Variants in FAM193A observed in about 807,000 individuals in gnomAD.
FAM193A encodes protein FAM193A.
Under a neutral mutation model 126.5 loss-of-function variants are expected in FAM193A, and 22 were observed. The ratio of observed to expected loss-of-function variants is 0.17; its 90% confidence interval spans 0.12 to 0.25. The LOEUF is 0.25. Ranked by LOEUF, FAM193A falls within the 10% of genes least tolerant of loss-of-function variation. The pLI is 1.00. For missense variants in FAM193A, 1,675 were observed against 1,672.8 expected (o/e 1.00, Z -0.02); for synonymous variants, 761 against 646.8 (o/e 1.18, Z -2.68).
chr4:2,574,243 G>A (rs1447687119), intron 1 of FAM193A, among the ~76,000 whole-genome samples: 1 of 152,086 alleles, frequency 6.6e-6, no homozygotes, highest in Non-Finnish European at 1.5e-5. Context: ...AACGTCGGGA[G>A]TGGGGCGAGG....
chr4:2,634,676 C>T (rs1241627306), intron 5 of FAM193A, among the ~76,000 whole-genome samples: 1 of 152,098 alleles, frequency 6.6e-6, no homozygotes, highest in Non-Finnish European at 1.5e-5. Flanking sequence ...CTGAGAAATT[C>T]TCAGAATTAC....
chr4:2,536,506 C>A (rs1396747531), upstream of FAM193A: 2 of 140,876 alleles, frequency 1.4e-5, no homozygotes, highest in African/African-American at 5.3e-5. Context: ...CGCCGAGGCA[C>A]GTTAACGGCA....
At chr4:2,683,097 G>C (rs867061994) in intron 13 of FAM193A, among the ~76,000 whole-genome samples, 4 of 152,058 alleles carry the variant, frequency 2.6e-5, no homozygotes, top group African/African-American at 9.7e-5. Context: ...GGATAATTTG[G>C]CTGGACACAT....
At chr4:2,703,576 G>C (rs1378831522) in intron 19 of FAM193A, among the ~76,000 whole-genome samples, 2 of 152,048 alleles carry the variant, frequency 1.3e-5, no homozygotes, top group Non-Finnish European at 2.9e-5. Flanking sequence ...ATTACACCCA[G>C]TGCTACAGTA....
chr4:2,543,295 G>C, intron 1 of FAM193A, among the ~76,000 whole-genome samples: 1 of 151,956 alleles, frequency 6.6e-6, no homozygotes, highest in African/African-American at 2.4e-5. Context: ...CATCATGTTA[G>C]CCAGGATGGT....
At chr4:2,722,654 C>G (rs1215953179) in intron 20 of FAM193A, among the ~76,000 whole-genome samples, 1 of 152,080 alleles carries the variant, frequency 6.6e-6, no homozygotes, top group Non-Finnish European at 1.5e-5. Flanking sequence ...GTCAGCCCTT[C>G]CAGTTTAGGG....
intron 1 of FAM193A, among the ~76,000 whole-genome samples, chr4:2,574,980 G>A (rs139337268): frequency 7.2e-5 from 11 of 152,232 alleles, no homozygotes; most frequent in African/African-American, 1.4e-4. Flanking sequence ...CCTCCCCTCT[G>A]TTGGCTCACA....
In FAM193A at chr4:2,682,282, G is replaced by T. The variant is rs1715241075; in HGVS notation, c.2332-7224G>T. Among the ~76,000 whole-genome samples, 3 of 152,020 alleles carry T rather than the reference G, an allele frequency of 2.0e-5. No individual in the cohort carries two copies. In the South Asian group the frequency reaches 6.2e-4, roughly 31 times the overall value. ...TACAGGCGCGAGCCACCTTCTCAGG[G>T]TTTCATATGTAAAGCAGGTTTCTTG... On this transcript the variant is annotated intron_variant, in intron 13 of 20. Transcript: ENST00000637812.
At chr4:2,640,503 G>A (rs891981157) in intron 6 of FAM193A, among the ~76,000 whole-genome samples, 5 of 152,216 alleles carry the variant, frequency 3.3e-5, no homozygotes, top group African/African-American at 1.2e-4. Context: ...TCCTCCTGAT[G>A]TGACGTTACT....
chr4:2,695,339 T>C (rs557515277), intron 17 of FAM193A, among the ~76,000 whole-genome samples: 2 of 152,208 alleles, frequency 1.3e-5, no homozygotes, highest in South Asian at 4.1e-4. Context: ...AGGTAACTGG[T>C]AAATCAGCAG....
chr4:2,691,630 G>C (rs1162952278), intron 15 of FAM193A, among the ~76,000 whole-genome samples: 2 of 152,044 alleles, frequency 1.3e-5, no homozygotes, highest in Admixed American at 1.3e-4. Context: ...GGCCTCACTA[G>C]CCAAAGCTGG....
At chr4:2,540,907 G>C (rs1578554153) in intron 1 of FAM193A, among the ~76,000 whole-genome samples, 2 of 150,076 alleles carry the variant, frequency 1.3e-5, no homozygotes, top group Non-Finnish European at 2.9e-5. Flanking sequence ...GTTGCAGTGA[G>C]CCCAGATCAC....
chr4:2,668,016 G>A (rs1713327882), intron 12 of FAM193A, among the ~76,000 whole-genome samples: 1 of 152,070 alleles, frequency 6.6e-6, no homozygotes, highest in Non-Finnish European at 1.5e-5. Flanking sequence ...CAGTCTTCCT[G>A]CCTCAGCCTC....
chr4:2,569,104 G>C (rs1258596609), intron 1 of FAM193A, among the ~76,000 whole-genome samples: 1 of 151,524 alleles, frequency 6.6e-6, no homozygotes, highest in African/African-American at 2.4e-5. Flanking sequence ...TGAGTAACTG[G>C]GACTACAGGT....
chr4:2,540,806 CA>C (rs1178436666), intron 1 of FAM193A, among the ~76,000 whole-genome samples: 4 of 151,514 alleles, frequency 2.6e-5, no homozygotes, highest in Admixed American at 6.6e-5. Context: ...ACTAAAAATA[CA>C]AAGAATAGCC....
At chr4:2,606,639 C>T (rs1453550997) in intron 2 of FAM193A, among the ~76,000 whole-genome samples, 2 of 152,156 alleles carry the variant, frequency 1.3e-5, no homozygotes, top group African/African-American at 4.8e-5. Flanking sequence ...ATATCTTGCC[C>T]ATGCGTGGCT....
At chr4:2,549,762 C>G (rs1057182027) in intron 1 of FAM193A, among the ~76,000 whole-genome samples, 6 of 151,882 alleles carry the variant, frequency 4.0e-5, no homozygotes, top group African/African-American at 1.5e-4. Flanking sequence ...GAGTCTCACT[C>G]TGTCTCCCAG....
intron 8 of FAM193A, 138 bp downstream of exon 8, chr4:2,658,018 T>C: frequency 1.5e-6 from 1 of 658,580 alleles, no homozygotes; most frequent in South Asian, 1.9e-5. Flanking sequence ...CGTTAAAAAC[T>C]GTTCAAGATG....
intron 1 of FAM193A, among the ~76,000 whole-genome samples, chr4:2,537,804 G>T (rs996855303): frequency 6.6e-6 from 1 of 151,948 alleles, no homozygotes; most frequent in Non-Finnish European, 1.5e-5. Flanking sequence ...CTCCTCCCCC[G>T]CTTTGTTAAG....
Sources: allele counts gnomAD v4.1 joint callset (sites outside exome capture counted in the v4.1 genomes callset), GRCh38; gene constraint gnomAD v4.1.1; transcripts MANE v1.5; gene names NCBI Gene and HGNC (gene_info 2026-07-23, HGNC 2026-07-21).